Variants in CYP7B1 observed in about 807,000 individuals in gnomAD.
CYP7B1 encodes the protein cytochrome P450 family 7 subfamily B member 1.
A neutral mutation model predicts 42.7 loss-of-function variants in CYP7B1; 29 were observed. That is an observed-to-expected ratio of 0.68 (90% CI 0.51 to 0.93). The LOEUF (loss-of-function observed/expected upper bound fraction) is 0.93, where lower values mean the gene tolerates loss of function less well. Ranked by LOEUF, CYP7B1 falls within the 40% of genes least tolerant of loss-of-function variation. The pLI, the probability that CYP7B1 is intolerant of heterozygous loss-of-function variation, is 0.00. For missense variants in CYP7B1, 655 were observed against 600.5 expected (o/e 1.09, Z -0.95); for synonymous variants, 235 against 218.2 (o/e 1.08, Z -0.68).
At chr8:64,783,795 G>T (rs13259721) in intron 1 of CYP7B1, among the ~76,000 whole-genome samples, 1 of 152,042 alleles carries the variant, frequency 6.6e-6, no homozygotes, top group Non-Finnish European at 1.5e-5. Context: ...AAAGTGCAGG[G>T]CTAACTAGTA....
Position 64,593,751 on chromosome 8 carries a change from C to T in CYP7B1, c.*2891G>A, listed in dbSNP as rs768650670. ...CACATAAACTACAGAATTAGATCCA[C>T]AAAACACCAATGATTTGGAAATATC... On this transcript the variant is annotated 3_prime_UTR_variant, in exon 6 of 6. Transcript: ENST00000310193. Among the ~76,000 whole-genome samples the T allele has an allele frequency of 1.3e-5, 2 of 151,932 alleles. No homozygotes were observed. The highest frequency in any genetic ancestry group is 2.9e-5 in the Non-Finnish European group (2 of 68,010).
At chr8:64,660,893 T>G (rs935857163) in intron 1 of CYP7B1, among the ~76,000 whole-genome samples, 1 of 152,222 alleles carries the variant, frequency 6.6e-6, no homozygotes, top group Non-Finnish European at 1.5e-5. Flanking sequence ...TGAGCAATAC[T>G]CTAGAATTTA....
chr8:64,755,978 G>A (rs1252138131), intron 1 of CYP7B1, among the ~76,000 whole-genome samples: 1 of 152,118 alleles, frequency 6.6e-6, no homozygotes, highest in African/African-American at 2.4e-5. Context: ...TACAGGTGGT[G>A]GGCTGGCTTT....
intron 1 of CYP7B1, among the ~76,000 whole-genome samples, chr8:64,657,905 A>G (rs1357722373): frequency 6.6e-6 from 1 of 152,222 alleles, no homozygotes; most frequent in Non-Finnish European, 1.5e-5. Context: ...TGATTTACAA[A>G]CAACAGAAAT....
At chr8:64,765,417 T>C (rs1244033904) in intron 1 of CYP7B1, among the ~76,000 whole-genome samples, 2 of 152,144 alleles carry the variant, frequency 1.3e-5, no homozygotes, top group South Asian at 2.1e-4. Flanking sequence ...TAAGAACTGT[T>C]GTTTATGGGA....
intron 1 of CYP7B1, among the ~76,000 whole-genome samples, chr8:64,639,207 A>G (rs545351280): frequency 6.6e-5 from 10 of 152,260 alleles, no homozygotes; most frequent in South Asian, 6.2e-4. Context: ...AGTCCTCAAA[A>G]TACTCTTAAT....
At chr8:64,721,784 T>TA (rs1174374270) in intron 1 of CYP7B1, among the ~76,000 whole-genome samples, 1 of 151,916 alleles carries the variant, frequency 6.6e-6, no homozygotes, top group Non-Finnish European at 1.5e-5. Context: ...ATCTTTATGA[T>TA]AGATAGCAAG....
intron 1 of CYP7B1, among the ~76,000 whole-genome samples, chr8:64,652,721 G>A (rs1456243569): frequency 5.3e-5 from 8 of 152,188 alleles, no homozygotes; most frequent in Non-Finnish European, 8.8e-5. Flanking sequence ...GCAGGCGCCT[G>A]TAGTCCCAGC....
chr8:64,638,626 G>A (rs1305253122), intron 1 of CYP7B1, among the ~76,000 whole-genome samples: 2 of 152,084 alleles, frequency 1.3e-5, no homozygotes, highest in African/African-American at 2.4e-5. Flanking sequence ...AGGAATGAAG[G>A]AAAGATGATG....
chr8:64,774,918 T>C (rs1171461560), intron 1 of CYP7B1, among the ~76,000 whole-genome samples: 1 of 152,190 alleles, frequency 6.6e-6, no homozygotes, highest in Non-Finnish European at 1.5e-5. Context: ...CCTCCTTAAC[T>C]CTGATTCTAA....
chr8:64,760,191 T>C (rs1331760292), intron 1 of CYP7B1, among the ~76,000 whole-genome samples: 2 of 152,180 alleles, frequency 1.3e-5, no homozygotes, highest in East Asian at 3.9e-4. Context: ...CCTGTATATC[T>C]CTGTGCAAAA....
At chr8:64,792,524 T>C (rs1200583757) in intron 1 of CYP7B1, among the ~76,000 whole-genome samples, 3 of 152,174 alleles carry the variant, frequency 2.0e-5, no homozygotes, top group African/African-American at 7.2e-5. Context: ...GTACTGAGTA[T>C]TTAATCAATT....
At chr8:64,780,346 A>C (rs925178948) in intron 1 of CYP7B1, among the ~76,000 whole-genome samples, 1 of 152,130 alleles carries the variant, frequency 6.6e-6, no homozygotes, top group African/African-American at 2.4e-5. Context: ...CTAGGTGCTA[A>C]AACTAAAGTA....
At position 64,594,438 on chromosome 8, in the gene CYP7B1, A is replaced by T. The variant is rs1805087444; in HGVS notation, c.*2204T>A. ...TTAGGAAGAATATAACTTACAGAAAATAGGTACTCAAGATAATATATGTTA... is the reference window on the plus strand; with the variant it reads ...TTAGGAAGAATATAACTTACAGAAATTAGGTACTCAAGATAATATATGTTA... On this transcript the variant is annotated 3_prime_UTR_variant, in exon 6 of 6. Transcript: ENST00000310193. Among the ~76,000 whole-genome samples the T allele has an allele frequency of 6.6e-6, 1 of 152,200 alleles. No individual in the cohort carries two copies. Among genetic ancestry groups the T allele is most frequent in the African/African-American group, 2.4e-5 (1 of 41,448 alleles).
At position 64,593,230 on chromosome 8, in the gene CYP7B1, A is replaced by AGGG. The variant is rs138770801; in HGVS notation, c.*3409_*3411dup. Among the ~76,000 whole-genome samples the AGGG allele has an allele frequency of 8.4e-4, 95 of 113,756 alleles. 1 individual carries two copies. In the East Asian group the frequency reaches 0.019, roughly 23 times the overall value. The allele number at this position is 113,756 out of a possible 152,430, so 74.6% of individuals were successfully genotyped here. ...TGTGGTGGACTAAAGGCTAGGGCCC[A>AGGG]GGGTGTGTGTGTGTGTGTGTGTGTG... On this transcript the variant is annotated 3_prime_UTR_variant, in exon 6 of 6. Coordinates refer to ENST00000310193, the MANE Select transcript of CYP7B1 (RefSeq NM_004820.5).
intron 1 of CYP7B1, among the ~76,000 whole-genome samples, chr8:64,662,251 T>C (rs1464874079): frequency 2.0e-5 from 3 of 152,188 alleles, no homozygotes; most frequent in Admixed American, 2.0e-4. Flanking sequence ...GAGGATTACT[T>C]GAGCCTGGGA....
At chr8:64,706,615 C>G (rs538432693) in intron 1 of CYP7B1, among the ~76,000 whole-genome samples, 1 of 152,000 alleles carries the variant, frequency 6.6e-6, no homozygotes, top group Non-Finnish European at 1.5e-5. Flanking sequence ...GGGCTCTTAT[C>G]TTATCGATTG....
In CYP7B1 at chr8:64,595,469, C is replaced by A. The variant is rs1416472741; in HGVS notation, c.*1173G>T. ...TTGCATCATCATTTATATCAGATGCCAATCATGTGGTACTCTGATATTAGA... is the reference window on the plus strand; with the variant it reads ...TTGCATCATCATTTATATCAGATGCAAATCATGTGGTACTCTGATATTAGA... On this transcript the variant is annotated 3_prime_UTR_variant, in exon 6 of 6. Transcript: ENST00000310193. 1.3e-5 allele frequency among the ~76,000 whole-genome samples: 2 copies of A among 152,070 alleles called. No individual in the cohort carries two copies. Among genetic ancestry groups the A allele is most frequent in the Non-Finnish European group, 2.9e-5 (2 of 68,026 alleles).
At chr8:64,679,824 G>A (rs1464553251) in intron 1 of CYP7B1, among the ~76,000 whole-genome samples, 1 of 152,134 alleles carries the variant, frequency 6.6e-6, no homozygotes, top group Admixed American at 6.5e-5. Flanking sequence ...AACAATTAAT[G>A]CAATAAATTT....
Sources: gnomAD v4.1 joint callset for allele counts (sites outside exome capture counted in the v4.1 genomes callset) on GRCh38, gnomAD v4.1.1 for gene constraint, MANE v1.5 for transcripts, NCBI Gene and HGNC (gene_info 2026-07-23, HGNC 2026-07-21) for gene names.